MYO16: variants seen among roughly 807,000 people sequenced by gnomAD.
The protein encoded by MYO16 is unconventional myosin-XVI.
Under a neutral mutation model 205.3 loss-of-function variants are expected in MYO16, and 94 were observed. That is an observed-to-expected ratio of 0.46 (90% CI 0.39 to 0.54). The LOEUF is 0.54. Ranked by LOEUF, MYO16 falls within the 20% of genes least tolerant of loss-of-function variation. MYO16 has a pLI of 0.00. For missense variants in MYO16, 2,315 were observed against 2,387.5 expected (o/e 0.97, Z 0.63); for synonymous variants, 988 against 954.0 (o/e 1.04, Z -0.66).
intron 29 of MYO16, among the ~76,000 whole-genome samples, chr13:109,120,940 C>CT (rs1486013966): frequency 1.3e-5 from 2 of 152,224 alleles, no homozygotes; most frequent in Admixed American, 6.5e-5. Flanking sequence ...GTCCCAGCTA[C>CT]TCAGGAGACT....
chr13:108,848,604 CA>C (rs1566367160), intron 10 of MYO16, among the ~76,000 whole-genome samples: 1 of 151,966 alleles, frequency 6.6e-6, no homozygotes, highest in African/African-American at 2.4e-5. Context: ...AGTTCAAGAC[CA>C]GCCCGGCAAC....
chr13:108,649,577 T>G (rs995521944), intron 1 of MYO16, among the ~76,000 whole-genome samples: 1 of 152,222 alleles, frequency 6.6e-6, no homozygotes, highest in African/African-American at 2.4e-5. Context: ...CTGACTTTAT[T>G]TTGAATACAA....
At chr13:108,868,680 T>G (rs1230677639) in intron 12 of MYO16, among the ~76,000 whole-genome samples, 1 of 151,978 alleles carries the variant, frequency 6.6e-6, no homozygotes, top group Non-Finnish European at 1.5e-5. Flanking sequence ...CTCAGCACTT[T>G]GAGAAGCCAA....
intron 21 of MYO16, among the ~76,000 whole-genome samples, chr13:109,003,621 T>G (rs1289108413): frequency 1.3e-5 from 2 of 152,240 alleles, no homozygotes; most frequent in African/African-American, 4.8e-5. Context: ...GTCCTTGTGT[T>G]TGCCACGGTT....
At chr13:108,955,120 T>C (rs546219692) in intron 16 of MYO16, among the ~76,000 whole-genome samples, 126 of 152,292 alleles carry the variant, frequency 8.3e-4, no homozygotes, top group African/African-American at 2.9e-3. Context: ...CAACCATTGG[T>C]TGCCCTGCTC....
At chr13:108,978,292 C>G (rs1389298265) in intron 20 of MYO16, among the ~76,000 whole-genome samples, 1 of 151,998 alleles carries the variant, frequency 6.6e-6, no homozygotes, top group Non-Finnish European at 1.5e-5. Context: ...TTGGCTAGCA[C>G]TGCCAATACA....
At position 108,727,323 on chromosome 13, in the gene MYO16, T is replaced by C. The variant is rs564010061; in HGVS notation, c.364-117T>C. ...GAAATACATCTTTTCCCAGGTTAGCTTCACCTCTCAACTCCCAAAATTGGT... is the reference window on the plus strand; with the variant it reads ...GAAATACATCTTTTCCCAGGTTAGCCTCACCTCTCAACTCCCAAAATTGGT... On this transcript the variant is annotated intron_variant, in intron 3 of 34. Coordinates refer to ENST00000457511, the MANE Select transcript of MYO16 (RefSeq NM_001198950.3). 1.6e-5 allele frequency: 17 copies of C among 1,044,056 alleles called. No individual in the cohort carries two copies. The South Asian group carries it at 2.7e-4, about 16-fold the overall frequency. 64.7% of individuals were successfully genotyped at this position (1,044,056 alleles called of 1,614,324 possible).
At chr13:108,831,903 T>A (rs1000497304) in intron 9 of MYO16, among the ~76,000 whole-genome samples, 4 of 152,200 alleles carry the variant, frequency 2.6e-5, no homozygotes, top group African/African-American at 4.8e-5. Context: ...CTGGGCTGCC[T>A]ATTTCTGCTT....
the MYO16 span, among the ~76,000 whole-genome samples, chr13:108,559,814 A>C: frequency 6.6e-6 from 1 of 152,098 alleles, no homozygotes; most frequent in Non-Finnish European, 1.5e-5. Context: ...ATGCAAGTGC[A>C]CAATCACTGT....
chr13:108,875,740 C>T (rs1351165615), intron 12 of MYO16, among the ~76,000 whole-genome samples: 1 of 151,808 alleles, frequency 6.6e-6, no homozygotes, highest in African/African-American at 2.4e-5. Context: ...AATTGAAAAC[C>T]CTAGCCACCT....
At chr13:108,597,658 C>G (rs1424480723) in intron 1 of MYO16, among the ~76,000 whole-genome samples, 1 of 152,070 alleles carries the variant, frequency 6.6e-6, no homozygotes, top group Admixed American at 6.6e-5. Flanking sequence ...TTCTCCTGCC[C>G]TCTCCTGCCC....
chr13:108,627,789 G>T (rs1004770498), upstream of MYO16, among the ~76,000 whole-genome samples: 5 of 152,108 alleles, frequency 3.3e-5, no homozygotes, highest in African/African-American at 1.2e-4. Context: ...AGAGTGAATG[G>T]TATCATTAAA....
intron 2 of MYO16, among the ~76,000 whole-genome samples, chr13:108,681,855 C>A (rs1445687157): frequency 1.3e-5 from 2 of 152,190 alleles, no homozygotes; most frequent in African/African-American, 2.4e-5. Flanking sequence ...CATTGCTATT[C>A]ATGGTCCTCC....
At chr13:108,562,309 C>T in the MYO16 span, among the ~76,000 whole-genome samples, 1 of 152,134 alleles carries the variant, frequency 6.6e-6, no homozygotes, top group Non-Finnish European at 1.5e-5. Context: ...TTCCCCAAGG[C>T]TCCACCTCCA....
At chr13:108,928,615 T>C (rs1177198485) in intron 16 of MYO16, among the ~76,000 whole-genome samples, 2 of 152,188 alleles carry the variant, frequency 1.3e-5, no homozygotes, top group Non-Finnish European at 2.9e-5. Context: ...TGGAGTCGTT[T>C]GTTAGGTAAA....
At chr13:109,108,540 C>T (rs945758788) in intron 28 of MYO16, among the ~76,000 whole-genome samples, 1 of 152,208 alleles carries the variant, frequency 6.6e-6, no homozygotes, top group Non-Finnish European at 1.5e-5. Context: ...TATTGATTGA[C>T]TGATTCAACA....
At chr13:109,002,175 C>A (rs922493396) in intron 21 of MYO16, among the ~76,000 whole-genome samples, 2 of 152,178 alleles carry the variant, frequency 1.3e-5, no homozygotes, top group African/African-American at 4.8e-5. Flanking sequence ...TAAAAAACTC[C>A]TCAATTAATT....
intron 11 of MYO16, among the ~76,000 whole-genome samples, chr13:108,861,072 T>G (rs1458398254): frequency 6.6e-6 from 1 of 152,200 alleles, no homozygotes; most frequent in Non-Finnish European, 1.5e-5. Flanking sequence ...AAATGTTGTA[T>G]TAAATAACGA....
rs201649331 is a variant in MYO16 at position 109,052,451 on chromosome 13, C to T, written c.3024C>T (p.Asn1008=). 68 of 1,609,572 alleles carry T rather than the reference C, an allele frequency of 4.2e-5. No homozygotes were observed. The highest frequency in any genetic ancestry group is 3.4e-4 in the Admixed American group (20 of 59,694). Residue 1008 remains asparagine (N), a synonymous_variant, in exon 25 of 35, where the codon AAC becomes AAT. Coordinates refer to ENST00000457511, the MANE Select transcript of MYO16 (RefSeq NM_001198950.3). ...KMTASSIIGE[N]KNYLELSKLL... is the part of the protein sequence containing the mutation. Reference sequence around the variant, plus strand: ...CAGCTTCTTCAATTATTGGAGAAAACAAGAATTATCTAGAACTTAGTAAGG... The same window carrying T: ...CAGCTTCTTCAATTATTGGAGAAAATAAGAATTATCTAGAACTTAGTAAGG...
Sources: gnomAD v4.1 joint callset for allele counts (sites outside exome capture counted in the v4.1 genomes callset) on GRCh38, gnomAD v4.1.1 for gene constraint, MANE v1.5 for transcripts, NCBI Gene and HGNC (gene_info 2026-07-23, HGNC 2026-07-21) for gene names.